Variants in CRPPA observed in about 807,000 individuals in gnomAD.
The protein encoded by CRPPA is D-ribitol-5-phosphate cytidylyltransferase.
In CRPPA, 43 loss-of-function variants were observed where a neutral mutation model predicts 52.0. The ratio of observed to expected loss-of-function variants is 0.83; its 90% confidence interval spans 0.65 to 1.07. The LOEUF (loss-of-function observed/expected upper bound fraction) is 1.07, where lower values mean the gene tolerates loss of function less well. Ranked by LOEUF, CRPPA falls within the 50% of genes least tolerant of loss-of-function variation. The probability of loss-of-function intolerance (pLI) is 0.00; values close to 1 mark genes in which losing one functional copy is unlikely to be tolerated. For synonymous variants in CRPPA, 250 were observed against 203.5 expected (o/e 1.23, Z -1.94); for missense variants, 629 against 551.7 (o/e 1.14, Z -1.40).
chr7:16,145,901 T>C (rs1356469275), intron 9 of CRPPA, among the ~76,000 whole-genome samples: 1 of 152,132 alleles, frequency 6.6e-6, no homozygotes, highest in Non-Finnish European at 1.5e-5. Context: ...AATTAGCTTT[T>C]TCAAAGAAAT....
intron 2 of CRPPA, among the ~76,000 whole-genome samples, chr7:16,403,235 A>G (rs1026696088): frequency 1.1e-4 from 16 of 152,106 alleles, no homozygotes; most frequent in Non-Finnish European, 1.3e-4. Context: ...TTGCTCCCGA[A>G]CTTATGGAAG....
At chr7:16,280,617 T>C (rs1784302311) in intron 5 of CRPPA, among the ~76,000 whole-genome samples, 1 of 152,238 alleles carries the variant, frequency 6.6e-6, no homozygotes, top group African/African-American at 2.4e-5. Flanking sequence ...TGTTTCATCA[T>C]ATATCCCTCT....
intron 8 of CRPPA, among the ~76,000 whole-genome samples, chr7:16,237,099 C>T (rs1286824560): frequency 6.6e-6 from 1 of 152,134 alleles, no homozygotes; most frequent in African/African-American, 2.4e-5. Context: ...ATCTTACTAT[C>T]ATTCGCCAAG....
intron 6 of CRPPA, among the ~76,000 whole-genome samples, chr7:16,264,282 G>C (rs915574847): frequency 2.0e-5 from 3 of 152,104 alleles, no homozygotes; most frequent in Non-Finnish European, 2.9e-5. Flanking sequence ...GAAACAATCT[G>C]CTGGCTAGAG....
intron 3 of CRPPA, among the ~76,000 whole-genome samples, chr7:16,334,096 A>G (rs539544298): frequency 1.3e-5 from 2 of 152,138 alleles, no homozygotes; most frequent in African/African-American, 2.4e-5. Context: ...CCACCAACTC[A>G]TGGATCTTGG....
chr7:16,413,485 T>C (rs1788119021), intron 1 of CRPPA, among the ~76,000 whole-genome samples: 1 of 152,232 alleles, frequency 6.6e-6, no homozygotes, highest in South Asian at 2.1e-4. Context: ...TCCTTTCTCA[T>C]TCTGAATCTC....
intron 3 of CRPPA, among the ~76,000 whole-genome samples, chr7:16,339,208 T>C (rs757546715): frequency 6.6e-6 from 1 of 151,908 alleles, no homozygotes; most frequent in African/African-American, 2.4e-5. Context: ...AGGCCAGCCT[T>C]ACCCTAATTC....
At chr7:16,386,977 G>T (rs1374094037) in intron 2 of CRPPA, among the ~76,000 whole-genome samples, 1 of 150,082 alleles carries the variant, frequency 6.7e-6, no homozygotes, top group African/African-American at 2.5e-5. Context: ...CTGAGATTGT[G>T]CCATTACACT....
At chr7:16,239,068 G>A (rs1448571588) in intron 8 of CRPPA, among the ~76,000 whole-genome samples, 1 of 143,272 alleles carries the variant, frequency 7.0e-6, no homozygotes, top group East Asian at 2.1e-4. Flanking sequence ...GAACTGTGAG[G>A]CAGAGGTTGC....
At chr7:16,199,856 T>C (rs1259212256) in intron 9 of CRPPA, among the ~76,000 whole-genome samples, 1 of 125,212 alleles carries the variant, frequency 8.0e-6, no homozygotes, top group African/African-American at 4.1e-5. Flanking sequence ...AGCTTTTTCT[T>C]TTTTTTTTTT....
intron 9 of CRPPA, among the ~76,000 whole-genome samples, chr7:16,127,052 T>C (rs946629800): frequency 6.6e-6 from 1 of 152,166 alleles, no homozygotes; most frequent in Non-Finnish European, 1.5e-5. Flanking sequence ...CAGCACTACA[T>C]TGTGAGAAAG....
At chr7:16,205,477 C>A (rs1023960288) in intron 9 of CRPPA, among the ~76,000 whole-genome samples, 5 of 152,144 alleles carry the variant, frequency 3.3e-5, no homozygotes, top group Non-Finnish European at 7.4e-5. Flanking sequence ...TATGCAGTTG[C>A]TTAAACTGGT....
chr7:16,298,460 T>C (rs777542595), intron 5 of CRPPA, among the ~76,000 whole-genome samples: 1 of 152,150 alleles, frequency 6.6e-6, no homozygotes, highest in Non-Finnish European at 1.5e-5. Flanking sequence ...ATGGAAACAA[T>C]AACACTACTA....
chr7:16,254,837 G>GAA (rs1414317561), intron 8 of CRPPA, among the ~76,000 whole-genome samples: 2 of 148,228 alleles, frequency 1.3e-5, no homozygotes, highest in East Asian at 3.9e-4. Context: ...AAGAAAGAAA[G>GAA]AAAGAAAGAG....
At chr7:16,326,670 T>C (rs1488502049) in intron 3 of CRPPA, among the ~76,000 whole-genome samples, 2 of 152,226 alleles carry the variant, frequency 1.3e-5, no homozygotes. Flanking sequence ...TATCTACTAC[T>C]AGTTCTTGCC....
Position 16,258,403 on chromosome 7 carries a change from A to G in CRPPA, c.1106T>C (p.Val369Ala). The change falls in exon 8 of 10, where the codon GTT becomes GCT. Residue 369 changes from valine (V) to alanine (A), a missense_variant. Coordinates refer to ENST00000407010, the MANE Select transcript of CRPPA (RefSeq NM_001101426.4). The part of the protein sequence containing the change: ...EESSLCILYP[V>A]VVVSVHFLDF... ...AATTTCACTTACTGAAACAACAACA[A>G]CAGGATATAAAATGCAAAGACTACT... 1.3e-5 allele frequency: 21 copies of G among 1,597,114 alleles called. No individual in the cohort carries two copies. The highest frequency in any genetic ancestry group is 1.7e-5 in the Non-Finnish European group (20 of 1,170,142).
chr7:16,382,800 TGC>T (rs1787146161), intron 2 of CRPPA, among the ~76,000 whole-genome samples: 1 of 152,214 alleles, frequency 6.6e-6, no homozygotes, highest in African/African-American at 2.4e-5. Flanking sequence ...CTGAGGCTTC[TGC>T]ATACTTCACG....
chr7:16,190,715 A>C (rs1054181778), intron 9 of CRPPA, among the ~76,000 whole-genome samples: 1 of 151,952 alleles, frequency 6.6e-6, no homozygotes, highest in African/African-American at 2.4e-5. Context: ...TGCACCCATC[A>C]CCCAAGCAGT....
At chr7:16,379,665 T>C (rs1442938152) in intron 2 of CRPPA, among the ~76,000 whole-genome samples, 3 of 152,208 alleles carry the variant, frequency 2.0e-5, no homozygotes, top group South Asian at 4.1e-4. Flanking sequence ...TTTTATTTCA[T>C]TGAGCAGTGG....
Sources: gnomAD v4.1 joint callset for allele counts (sites outside exome capture counted in the v4.1 genomes callset) on GRCh38, gnomAD v4.1.1 for gene constraint, MANE v1.5 for transcripts, NCBI Gene and HGNC (gene_info 2026-07-23, HGNC 2026-07-21) for gene names.